The following FRMPD4 variants were observed in gnomAD, a reference collection of about 807,000 sequenced individuals.
FRMPD4 encodes the protein FERM and PDZ domain-containing protein 4.
Under a neutral mutation model 94.1 loss-of-function variants are expected in FRMPD4, and 22 were observed. That is an observed-to-expected ratio of 0.23 (90% CI 0.17 to 0.33). FRMPD4 has a LOEUF of 0.33. FRMPD4 is among the 10% of genes least tolerant of loss of function. The probability of loss-of-function intolerance (pLI) is 1.00; values close to 1 mark genes in which losing one functional copy is unlikely to be tolerated. For synonymous variants in FRMPD4, 631 were observed against 548.6 expected, an observed-to-expected ratio of 1.15 and a Z score of -2.10; for missense variants, 1,111 against 1,339.9, an observed-to-expected ratio of 0.83 and a Z score of 2.67.
chrX:12,686,834 C>T (rs999893404), intron 7 of FRMPD4, among the ~76,000 whole-genome samples: 1 of 111,280 alleles, frequency 9.0e-6, no homozygotes, highest in African/African-American at 3.3e-5. Flanking sequence ...GTTTTTTTCC[C>T]CACATGCTTT....
chrX:12,130,305 A>G (rs1258204470), intron 3 of FRMPD4, among the ~76,000 whole-genome samples: 1 of 111,759 alleles, frequency 8.9e-6, no homozygotes, highest in Non-Finnish European at 1.9e-5. Context: ...TTTCATGCCT[A>G]TTACCTCATG....
At chrX:12,621,326 C>T (rs748013934) in intron 4 of FRMPD4, among the ~76,000 whole-genome samples, 25 of 110,792 alleles carry the variant, frequency 2.3e-4, no homozygotes, top group East Asian at 2.8e-4. Context: ...ACATGAATCA[C>T]GAAGAATCAA....
chrX:12,287,163 G>C lies in FRMPD4; in HGVS notation c.41+148151G>C, dbSNP rs1014446261. On this transcript the variant is annotated intron_variant, in intron 1 of 16. Transcript: ENST00000675598. The stretch of plus-strand genomic sequence containing the variant: ...AGGCAAGACCAAATGTTTACTTAGG[G>C]AGATGATTGTGTTGGAGGTAGATGG... Among the ~76,000 whole-genome samples the C allele has an allele frequency of 3.6e-5, 4 of 112,352 alleles. No homozygotes were observed. The Admixed American group carries it at 3.8e-4, about 11-fold the overall frequency.
chrX:12,610,990 C>T (rs1028271642), intron 3 of FRMPD4, among the ~76,000 whole-genome samples: 3 of 111,537 alleles, frequency 2.7e-5, no homozygotes, highest in Non-Finnish European at 5.6e-5. Flanking sequence ...ATTTGTTATC[C>T]AGCAGATGCT....
intron 1 of FRMPD4, among the ~76,000 whole-genome samples, chrX:12,193,258 C>T (rs1380750912): frequency 9.0e-6 from 1 of 111,310 alleles, no homozygotes; most frequent in Non-Finnish European, 1.9e-5. Flanking sequence ...ACATCATAAG[C>T]CGCTAAAATA....
At chrX:12,562,408 C>T (rs2058668259) in intron 2 of FRMPD4, among the ~76,000 whole-genome samples, 2 of 111,875 alleles carry the variant, frequency 1.8e-5, no homozygotes, top group African/African-American at 6.5e-5. Flanking sequence ...CATAGTGAAC[C>T]TGTCATTTAT....
At chrX:12,286,977 A>T (rs1028110935) in intron 1 of FRMPD4, among the ~76,000 whole-genome samples, 1 of 112,180 alleles carries the variant, frequency 8.9e-6, no homozygotes, top group East Asian at 2.8e-4. Flanking sequence ...CTAAGTCAAG[A>T]ACTCTTGGGA....
chrX:12,008,617 A>C (rs1569141688), intron 3 of FRMPD4, among the ~76,000 whole-genome samples: 1 of 112,383 alleles, frequency 8.9e-6, no homozygotes, highest in Non-Finnish European at 1.9e-5. Flanking sequence ...TAGCTCCATG[A>C]AATAAGAATT....
At chrX:11,905,826 G>A (rs1436602610) in intron 3 of FRMPD4, among the ~76,000 whole-genome samples, 1 of 111,541 alleles carries the variant, frequency 9.0e-6, no homozygotes, top group Non-Finnish European at 1.9e-5. Flanking sequence ...AAAAACTGGG[G>A]TCATGGACTC....
At chrX:12,676,195 C>G (rs1206432116) in intron 5 of FRMPD4, among the ~76,000 whole-genome samples, 1 of 112,217 alleles carries the variant, frequency 8.9e-6, no homozygotes, top group Non-Finnish European at 1.9e-5. Flanking sequence ...AACGAGTCAG[C>G]AGTGACTACC....
At chrX:11,925,987 C>T (rs2054085416) in intron 3 of FRMPD4, among the ~76,000 whole-genome samples, 1 of 110,312 alleles carries the variant, frequency 9.1e-6, no homozygotes, top group East Asian at 2.8e-4. Context: ...AAATAGACTG[C>T]TAGCTAGACT....
chrX:12,516,288 T>C lies in FRMPD4; in HGVS notation c.158+17492T>C, dbSNP rs965559552. ...CAGACTTGTTGATGTAGTTGCTTCA[T>C]AGTGTCATTGGTCTTTGTACTTCAG... On this transcript the variant is annotated intron_variant, in intron 2 of 16. Transcript: ENST00000675598. 2.6e-4 allele frequency among the ~76,000 whole-genome samples: 29 copies of C among 112,294 alleles called. No homozygotes were observed. The Admixed American group carries it at 2.7e-3, about 11-fold the overall frequency.
chrX:12,712,464 C>A (rs1321280439), intron 14 of FRMPD4, among the ~76,000 whole-genome samples: 1 of 110,451 alleles, frequency 9.1e-6, no homozygotes, highest in Non-Finnish European at 1.9e-5. Context: ...TGGGAGGAAA[C>A]CTTGAGCCTA....
chrX:12,114,730 CAT>C (rs1226658630), intron 3 of FRMPD4, among the ~76,000 whole-genome samples: 1 of 112,542 alleles, frequency 8.9e-6, no homozygotes, highest in Non-Finnish European at 1.9e-5. Flanking sequence ...AAATAACTCT[CAT>C]ATTTAATTTT....
intron 3 of FRMPD4, among the ~76,000 whole-genome samples, chrX:12,061,800 T>C (rs567279940): frequency 8.9e-6 from 1 of 111,782 alleles, no homozygotes; most frequent in East Asian, 2.8e-4. Context: ...TTCCATTATA[T>C]TGAAGAACAT....
intron 1 of FRMPD4, among the ~76,000 whole-genome samples, chrX:12,383,640 C>T (rs764005906): frequency 8.1e-5 from 9 of 111,526 alleles, no homozygotes; most frequent in Non-Finnish European, 1.1e-4. Flanking sequence ...CGACGCCTAG[C>T]ATATATTAGG....
chrX:12,303,271 T>A (rs1032172708), intron 1 of FRMPD4, among the ~76,000 whole-genome samples: 1 of 111,906 alleles, frequency 8.9e-6, no homozygotes, highest in African/African-American at 3.2e-5. Flanking sequence ...ATATTAAAAA[T>A]TGAAGTAAGA....
At position 12,403,246 on chromosome X, in the gene FRMPD4, T is replaced by TA. The variant is rs1458734095; in HGVS notation, c.42-95434_42-95433insA. On this transcript the variant is annotated intron_variant, in intron 1 of 16. Coordinates refer to ENST00000675598, the MANE Select transcript of FRMPD4 (RefSeq NM_001368397.1). Reference sequence around the variant, plus strand: ...AACTAATCTGGACTCTGCCTGCCTTTCCTGCCTCCTTGGGGATCACTCCCC... The same window carrying TA: ...AACTAATCTGGACTCTGCCTGCCTTTACCTGCCTCCTTGGGGATCACTCCCC... Among the ~76,000 whole-genome samples the TA allele has an allele frequency of 1.4e-4, 16 of 112,013 alleles. No homozygotes were observed. The East Asian group carries it at 3.7e-3, about 26-fold the overall frequency.
rs151261118 is a variant in FRMPD4, at chrX:12,569,711, G to T, written c.159-40010G>T. 9.6e-4 allele frequency among the ~76,000 whole-genome samples: 108 copies of T among 112,323 alleles called. 1 individual carries two copies. Among genetic ancestry groups the T allele is most frequent in the African/African-American group, 3.2e-3 (99 of 30,944 alleles). ...GAAATTTAATTTAAAAACAAAAGAG[G>T]TATCAGTGGAAACAGCTGAGCGCTA... On this transcript the variant is annotated intron_variant, in intron 2 of 16. Transcript: ENST00000675598.
Sources: allele counts gnomAD v4.1 joint callset (sites outside exome capture counted in the v4.1 genomes callset), GRCh38; gene constraint gnomAD v4.1.1; transcripts MANE v1.5; gene names NCBI Gene and HGNC (gene_info 2026-07-23, HGNC 2026-07-21).